Variants in MANBAL observed in about 807,000 individuals in gnomAD.
MANBAL encodes protein MANBAL.
A neutral mutation model predicts 6.4 loss-of-function variants in MANBAL; 1 was observed. The ratio of observed to expected loss-of-function variants is 0.16; its 90% CI spans 0.06 to 0.74. The LOEUF (loss-of-function observed/expected upper bound fraction) is 0.74. Among genes scored for constraint, MANBAL ranks in the 30% least tolerant of loss-of-function variants. The probability of loss-of-function intolerance (pLI) is 0.78; values close to 1 mark genes in which losing one functional copy is unlikely to be tolerated. For synonymous variants in MANBAL, 47 were observed against 45.8 expected, an observed-to-expected ratio of 1.03 and a Z score of -0.10; for missense variants, 100 against 107.8, an observed-to-expected ratio of 0.93 and a Z score of 0.32.
intron 2 of MANBAL, 33 bp from the exon 3 acceptor site, chr20:37,316,275 C>G (rs1470541873): frequency 2.5e-6 from 4 of 1,593,302 alleles, no homozygotes. Context: ...CTTGATCCAT[C>G]TAAGCAGGAC....
chr20:37,316,867 ACAGAGC>A lies in MANBAL; in HGVS notation c.*456_*461del, dbSNP rs1568606491. 6.3e-6 allele frequency: 1 copy of A among 158,314 alleles called. No individual in the cohort carries two copies. Among genetic ancestry groups the A allele is most frequent in the Admixed American group, 6.5e-5 (1 of 15,460 alleles). 9.8% of individuals were successfully genotyped at this position (158,314 alleles called of 1,614,324 possible). On this transcript the variant is annotated 3_prime_UTR_variant, in exon 3 of 3. Transcript: ENST00000373606. ...AGTCACCTTTGTTGCTGCTGTGTAG[ACAGAGC>A]CAGGCCTCACCTGTTTGTTTAGGCC...
intron 1 of MANBAL, chr20:37,296,751 A>G (rs759139650): frequency 6.6e-6 from 1 of 152,134 alleles, no homozygotes. Flanking sequence ...GGCTCTTGTT[A>G]TATTTTGTCT....
At position 37,308,666 on chromosome 20, in the gene MANBAL, G is replaced by A. The variant is rs566555394; in HGVS notation, c.150+7253G>A. ...CTCTACATGGAGTGCAGTGGGAAGT[G>A]GGGGACAGGTTTCTTCTCAAGGTGG... is the stretch of plus-strand genomic sequence containing the variant. On this transcript the variant is annotated intron_variant, in intron 2 of 2. Transcript: ENST00000373606. Among the ~76,000 whole-genome samples the A allele has an allele frequency of 8.7e-4, 133 of 152,200 alleles. 2 individuals carry two copies. Among genetic ancestry groups the A allele is most frequent in the South Asian group, 4.2e-3 (20 of 4,810 alleles).
intron 2 of MANBAL, among the ~76,000 whole-genome samples, 175 bp from the exon 3 acceptor site, chr20:37,316,131 TGA>T (rs1212442237): frequency 1.3e-5 from 2 of 152,226 alleles, no homozygotes; most frequent in African/African-American, 4.8e-5. Flanking sequence ...TATTCTTCAC[TGA>T]GAGCCACGAT....
rs73295450 is a variant in MANBAL, at chr20:37,296,049, C to T, written c.-56-5159C>T. On this transcript the variant is annotated intron_variant, in intron 1 of 2. Transcript: ENST00000373606. ...TCCAGAACCTTTTCACAACCACCCT[C>T]CTGTTACACCTGTGCTGTCCAGTAG... 5.8e-3 allele frequency among the ~76,000 whole-genome samples: 885 copies of T among 152,344 alleles called. 10 individuals carry two copies. The highest frequency in any genetic ancestry group is 0.02 in the African/African-American group (834 of 41,560).
rs868228428 is a variant in MANBAL, at chr20:37,290,673, G to C, written c.-57+987G>C. 1.8e-4 allele frequency among the ~76,000 whole-genome samples: 28 copies of C among 152,080 alleles called. No homozygotes were observed. In the South Asian group the frequency reaches 2.3e-3, roughly 12 times the overall value. On this transcript the variant is annotated intron_variant, in intron 1 of 2. Coordinates refer to ENST00000373606, the MANE Select transcript of MANBAL (RefSeq NM_001003897.2). Reference sequence around the variant, plus strand: ...AGGGTTTCACCATGTTGGCCAGGCTGGTCTCAAACTCCCGACCTCAGGTGA... The same window carrying C: ...AGGGTTTCACCATGTTGGCCAGGCTCGTCTCAAACTCCCGACCTCAGGTGA...
intron 2 of MANBAL, among the ~76,000 whole-genome samples, chr20:37,305,234 G>T (rs1415547126): frequency 6.6e-6 from 1 of 152,182 alleles, no homozygotes; most frequent in African/African-American, 2.4e-5. Flanking sequence ...TAACAAATGT[G>T]GTTGTTGGTG....
intron 2 of MANBAL, among the ~76,000 whole-genome samples, chr20:37,306,086 G>A (rs1243752434): frequency 1.3e-5 from 2 of 152,146 alleles, no homozygotes; most frequent in Non-Finnish European, 2.9e-5. Context: ...GCAGTTGGGA[G>A]ATACCTGGAA....
chr20:37,294,509 G>A (rs1411530442), intron 1 of MANBAL, among the ~76,000 whole-genome samples: 1 of 152,230 alleles, frequency 6.6e-6, no homozygotes, highest in Admixed American at 6.5e-5. Flanking sequence ...AGACTGGCCA[G>A]AGTCCTCATA....
At chr20:37,301,507 T>A in intron 2 of MANBAL, 94 bp downstream of exon 2, 1 of 1,375,616 alleles carries the variant, frequency 7.3e-7, no homozygotes, top group Middle Eastern at 1.9e-4. Flanking sequence ...ATCAGCAGGG[T>A]CTACATTGGG....
At chr20:37,292,373 C>T (rs556719811) in intron 1 of MANBAL, among the ~76,000 whole-genome samples, 1 of 152,302 alleles carries the variant, frequency 6.6e-6, no homozygotes, top group Non-Finnish European at 1.5e-5. Context: ...GCAGTCTTGG[C>T]TCACTGCAAC....
rs146582199 is a variant in MANBAL at position 37,290,298 on chromosome 20, C to T, written c.-57+612C>T. Among the ~76,000 whole-genome samples, 140 of 152,282 alleles carry T rather than the reference C, an allele frequency of 9.2e-4. 1 individual carries two copies. Among genetic ancestry groups the T allele is most frequent in the African/African-American group, 2.7e-3 (114 of 41,562 alleles). Reference sequence around the variant, plus strand: ...CATCTGCACACCAGTTTCAGCCCACCGGCTACCAGTGTGACTTTGCCCAGA... The same window carrying T: ...CATCTGCACACCAGTTTCAGCCCACTGGCTACCAGTGTGACTTTGCCCAGA... On this transcript the variant is annotated intron_variant, in intron 1 of 2. Coordinates refer to ENST00000373606, the MANE Select transcript of MANBAL (RefSeq NM_001003897.2).
At chr20:37,301,536 C>A in intron 2 of MANBAL, 123 bp downstream of exon 2, 1 of 1,087,760 alleles carries the variant, frequency 9.2e-7, no homozygotes, top group Non-Finnish European at 1.3e-6. Flanking sequence ...ATTTAGTGTG[C>A]CTCTGAATTT....
rs1311760620 is a variant in MANBAL, at chr20:37,316,348, G to C, written c.191G>C (p.Arg64Thr). Residue 64 changes from arginine (R) to threonine (T), a missense_variant, in exon 3 of 3, where the codon AGG becomes ACG. Arg to Thr is a moderately conservative substitution (Grantham distance 71, BLOSUM62 -1). Transcript: ENST00000373606. ...PSEPRSAEVTRKPKAAVPSVN... is the reference protein window; with the variant it reads ...PSEPRSAEVTTKPKAAVPSVN... ...GAGCCCAGAAGTGCTGAGGTGACGA[G>C]GAAGCCCAAGGCTGCTGTTCCTTCT... The C allele has an allele frequency of 6.2e-7, 1 of 1,613,942 alleles. No individual in the cohort carries two copies.
chr20:37,305,918 C>T (rs1378312347), intron 2 of MANBAL, among the ~76,000 whole-genome samples: 2 of 152,034 alleles, frequency 1.3e-5, no homozygotes, highest in Non-Finnish European at 2.9e-5. Flanking sequence ...AGGGTGGATG[C>T]TGAGACTGTG....
intron 1 of MANBAL, 153 bp from the exon 2 acceptor site, chr20:37,301,055 A>C: frequency 3.3e-6 from 1 of 298,938 alleles, no homozygotes; most frequent in Non-Finnish European, 5.8e-6. Flanking sequence ...AGGCAAGAGA[A>C]TCACTTGAAC....
intron 1 of MANBAL, among the ~76,000 whole-genome samples, chr20:37,296,526 CG>C (rs1031127106): frequency 6.6e-6 from 1 of 152,042 alleles, no homozygotes; most frequent in African/African-American, 2.4e-5. Flanking sequence ...TTATATTTGC[CG>C]GGTTAGTGAA....
chr20:37,291,287 T>A (rs572151869), intron 1 of MANBAL, among the ~76,000 whole-genome samples: 2 of 149,168 alleles, frequency 1.3e-5, no homozygotes, highest in Non-Finnish European at 2.9e-5. Flanking sequence ...ATATCTGAAA[T>A]GTCACAATTA....
At chr20:37,314,067 T>C (rs561441332) in intron 2 of MANBAL, among the ~76,000 whole-genome samples, 1 of 152,122 alleles carries the variant, frequency 6.6e-6, no homozygotes, top group East Asian at 1.9e-4. Context: ...CTTTCGTGGG[T>C]GCATGAGGAA....
Sources: allele counts gnomAD v4.1 joint callset (sites outside exome capture counted in the v4.1 genomes callset), GRCh38; gene constraint gnomAD v4.1.1; transcripts MANE v1.5; gene names NCBI Gene and HGNC (gene_info 2026-07-23, HGNC 2026-07-21).